The following PC variants were observed in gnomAD, a reference collection of about 807,000 sequenced individuals.
PC encodes pyruvate carboxylase.
In PC, 46 loss-of-function variants were observed where a neutral mutation model predicts 107.8. The ratio of observed to expected loss-of-function variants is 0.43; its 90% confidence interval spans 0.34 to 0.55. PC has a LOEUF of 0.55. PC is among the 20% of genes least tolerant of loss of function. The probability of loss-of-function intolerance (pLI) is 0.04; values close to 1 mark genes in which losing one functional copy is unlikely to be tolerated. For synonymous variants in PC, 662 were observed against 684.7 expected (o/e 0.97, Z 0.52); for missense variants, 1,241 against 1,643.1 (o/e 0.76, Z 4.23).
At chr11:66,921,293 G>A (rs372465887) in intron 3 of PC, among the ~76,000 whole-genome samples, 1 of 152,110 alleles carries the variant, frequency 6.6e-6, no homozygotes, top group African/African-American at 2.4e-5. Flanking sequence ...TTCTTTTCCC[G>A]ATAGCCTTAA....
At chr11:66,869,964 C>T (rs1049300182) in intron 9 of PC, among the ~76,000 whole-genome samples, 4 of 152,222 alleles carry the variant, frequency 2.6e-5, no homozygotes, top group South Asian at 2.1e-4. Context: ...ACAGAATCCA[C>T]GGAATCTCAT....
chr11:66,873,492 T>TATATTATATA (rs1565249273), intron 3 of PC, among the ~76,000 whole-genome samples: 5 of 33,732 alleles, frequency 1.5e-4, no homozygotes, highest in South Asian at 1.0e-3. Context: ...TAATATTATA[T>TATATTATATA]ATATTATATA....
chr11:66,939,825 A>AC (rs1949083825), intron 3 of PC, among the ~76,000 whole-genome samples: 1 of 149,010 alleles, frequency 6.7e-6, no homozygotes, highest in Admixed American at 6.7e-5. Flanking sequence ...AAAAAAAAAA[A>AC]ACCAAAAACA....
intron 12 of PC, among the ~76,000 whole-genome samples, chr11:66,862,812 C>G (rs896082714): frequency 1.3e-5 from 2 of 152,208 alleles, no homozygotes; most frequent in Non-Finnish European, 2.9e-5. Context: ...CCAAGGCCAC[C>G]CAAAGACAAG....
chr11:66,956,516 CGGA>C (rs1949565298), intron 1 of PC, among the ~76,000 whole-genome samples: 2 of 152,044 alleles, frequency 1.3e-5, no homozygotes, highest in African/African-American at 4.8e-5. Flanking sequence ...ACTCGGGAGG[CGGA>C]GGTTGTGGTG....
chr11:66,918,934 A>G (rs1160582699), intron 3 of PC, among the ~76,000 whole-genome samples: 1 of 151,952 alleles, frequency 6.6e-6, no homozygotes, highest in Non-Finnish European at 1.5e-5. Context: ...AGTTCCTCTA[A>G]TAGGGCAGCT....
At chr11:66,885,529 G>A (rs905329980) in intron 3 of PC, among the ~76,000 whole-genome samples, 1 of 151,238 alleles carries the variant, frequency 6.6e-6, no homozygotes, top group African/African-American at 2.4e-5. Context: ...TGGAAATAGG[G>A]TAATCAAGTA....
At chr11:66,875,648 C>A (rs1253453598) in intron 3 of PC, among the ~76,000 whole-genome samples, 1 of 151,874 alleles carries the variant, frequency 6.6e-6, no homozygotes, top group African/African-American at 2.4e-5. Context: ...GAGGATGGGG[C>A]GCGAGTTGGG....
At chr11:66,902,337 G>A (rs573243160) in intron 3 of PC, among the ~76,000 whole-genome samples, 4 of 152,290 alleles carry the variant, frequency 2.6e-5, no homozygotes, top group South Asian at 2.1e-4. Context: ...TGGCCACATA[G>A]CAAGTGTCGG....
intron 3 of PC, among the ~76,000 whole-genome samples, chr11:66,884,161 T>G (rs1211745832): frequency 6.6e-6 from 1 of 151,916 alleles, no homozygotes; most frequent in African/African-American, 2.4e-5. Flanking sequence ...GGAAAATCGC[T>G]TGAACGTGGG....
chr11:66,922,372 C>T (rs1054197847), intron 3 of PC, among the ~76,000 whole-genome samples: 3 of 151,622 alleles, frequency 2.0e-5, no homozygotes, highest in African/African-American at 4.8e-5. Context: ...GTCAGCAGTT[C>T]GGGACCAGCT....
chr11:66,934,891 A>C (rs143092213), intron 3 of PC, among the ~76,000 whole-genome samples: 3,329 of 152,196 alleles, frequency 0.022, 107 homozygotes, highest in African/African-American at 0.074. Context: ...AGGTGTGAAC[A>C]ACCGCGCCCA....
chr11:66,912,983 C>A (rs536863442), intron 3 of PC, among the ~76,000 whole-genome samples: 1 of 152,270 alleles, frequency 6.6e-6, no homozygotes, highest in African/African-American at 2.4e-5. Flanking sequence ...GATAAGCCCC[C>A]ACCCAGCAAC....
intron 3 of PC, among the ~76,000 whole-genome samples, chr11:66,879,246 G>A (rs1947097973): frequency 6.6e-6 from 1 of 152,248 alleles, no homozygotes; most frequent in African/African-American, 2.4e-5. Context: ...CACCAAGCCA[G>A]GCTGACCATG....
chr11:66,955,712 A>G (rs1949544348), intron 1 of PC, among the ~76,000 whole-genome samples: 1 of 152,100 alleles, frequency 6.6e-6, no homozygotes, highest in African/African-American at 2.4e-5. Flanking sequence ...ACACCATGGG[A>G]CACAATCTGC....
chr11:66,943,649 A>G (rs1260159417), intron 3 of PC, among the ~76,000 whole-genome samples: 1 of 132,274 alleles, frequency 7.6e-6, no homozygotes, highest in Non-Finnish European at 1.6e-5. Flanking sequence ...GCTACTTGGG[A>G]GGCTGAGGCA....
intron 3 of PC, among the ~76,000 whole-genome samples, chr11:66,948,206 TA>T (rs905189971): frequency 4.1e-3 from 560 of 136,798 alleles, no homozygotes; most frequent in Middle Eastern, 7.1e-3. Flanking sequence ...GACTCTGTCT[TA>T]AAAAAAAAAA....
At chr11:66,874,053 G>A (rs991795768) in intron 3 of PC, among the ~76,000 whole-genome samples, 40 of 151,638 alleles carry the variant, frequency 2.6e-4, no homozygotes, top group Admixed American at 1.3e-4. Flanking sequence ...TCCGCCTCCT[G>A]GGTTCGAGTG....
At chr11:66,890,758 G>A (rs1364066139) in intron 3 of PC, among the ~76,000 whole-genome samples, 1 of 151,930 alleles carries the variant, frequency 6.6e-6, no homozygotes, top group Non-Finnish European at 1.5e-5. Context: ...ACCCACCTCA[G>A]CCTCCCAAAG....
Sources: gnomAD v4.1 joint callset for allele counts (sites outside exome capture counted in the v4.1 genomes callset) on GRCh38, gnomAD v4.1.1 for gene constraint, MANE v1.5 for transcripts, NCBI Gene and HGNC (gene_info 2026-07-23, HGNC 2026-07-21) for gene names.